Variants in GALM observed in about 807,000 individuals in gnomAD.
The protein encoded by GALM is galactose mutarotase.
A neutral mutation model predicts 37.4 loss-of-function variants in GALM; 43 were observed. The observed-to-expected ratio is 1.15, with a 90% CI of 0.90 to 1.48. The LOEUF (loss-of-function observed/expected upper bound fraction) is 1.48. Among genes scored for constraint, GALM ranks in the 40% most tolerant of loss-of-function variants. The pLI is 0.00. For missense variants in GALM, 456 were observed against 419.1 expected, an observed-to-expected ratio of 1.09 and a Z score of -0.77; for synonymous variants, 199 against 170.6, an observed-to-expected ratio of 1.17 and a Z score of -1.30.
intron 4 of GALM, among the ~76,000 whole-genome samples, chr2:38,717,341 G>T (rs990904362): frequency 7.0e-6 from 1 of 143,396 alleles, no homozygotes; most frequent in African/African-American, 2.6e-5. Flanking sequence ...GTGTGTGTGT[G>T]TGTGTATAAA....
intron 2 of GALM, among the ~76,000 whole-genome samples, chr2:38,680,662 C>A (rs1016832186): frequency 6.6e-6 from 1 of 151,350 alleles, no homozygotes; most frequent in Admixed American, 6.6e-5. Context: ...TTTTTTAATA[C>A]TCTCAGCAGA....
intron 1 of GALM, chr2:38,668,652 C>T (rs546480177): frequency 6.6e-6 from 1 of 152,062 alleles, no homozygotes; most frequent in South Asian, 2.1e-4. Context: ...TAAGACTTGA[C>T]AGAGGCCGGC....
At chr2:38,675,537 T>TG (rs1558577612) in intron 1 of GALM, among the ~76,000 whole-genome samples, 56 of 90,062 alleles carry the variant, frequency 6.2e-4, no homozygotes, top group African/African-American at 2.1e-3. Context: ...TTTTTTTTTT[T>TG]TTTTTTTGTG....
At chr2:38,674,403 T>C (rs567915949) in intron 1 of GALM, among the ~76,000 whole-genome samples, 1 of 152,212 alleles carries the variant, frequency 6.6e-6, no homozygotes, top group African/African-American at 2.4e-5. Flanking sequence ...TTGGCCAGGA[T>C]GGTCTCAATC....
chr2:38,671,180 T>C (rs1016061915), intron 1 of GALM, among the ~76,000 whole-genome samples: 23 of 152,182 alleles, frequency 1.5e-4, no homozygotes, highest in African/African-American at 1.9e-4. Context: ...TCATGAAAAA[T>C]AGTATTTTCT....
intron 1 of GALM, among the ~76,000 whole-genome samples, chr2:38,673,373 A>G (rs1665162860): frequency 6.6e-6 from 1 of 152,234 alleles, no homozygotes; most frequent in African/African-American, 2.4e-5. Context: ...AATAATACAG[A>G]AAACAATCTC....
At position 38,722,030 on chromosome 2, in the gene GALM, T is replaced by TCCCCCCCCCCCCCCCCC. The variant is rs1491365976; in HGVS notation, c.635-7517_635-7516insCCCCCCCCCCCCCCCCC. The stretch of plus-strand genomic sequence containing the variant: ...GTCCCTCCCCAACTATGCCTTCCCT[T>TCCCCCCCCCCCCCCCCC]CCCCCCCCCACCCCCCCCCCCCACC... On this transcript the variant is annotated intron_variant, in intron 4 of 6. Coordinates refer to ENST00000272252, the MANE Select transcript of GALM (RefSeq NM_138801.3). Among the ~76,000 whole-genome samples the TCCCCCCCCCCCCCCCCC allele has an allele frequency of 8.0e-4, 33 of 41,392 alleles. 1 individual carries two copies. Among genetic ancestry groups the TCCCCCCCCCCCCCCCCC allele is most frequent in the South Asian group, 1.8e-3 (1 of 552 alleles). 27.2% of individuals were successfully genotyped at this position (41,392 alleles called of 152,430 possible).
chr2:38,694,914 A>AG (rs1369719681), intron 4 of GALM, among the ~76,000 whole-genome samples: 4 of 139,306 alleles, frequency 2.9e-5, no homozygotes, highest in African/African-American at 9.4e-5. Flanking sequence ...AAAAAAAAAC[A>AG]AAAAAAGAAA....
Position 38,734,191 on chromosome 2 carries a change from G to A in GALM, c.*626G>A, listed in dbSNP as rs986549215. 12 of 156,710 alleles carry A rather than the reference G, an allele frequency of 7.7e-5. No individual in the cohort carries two copies. The highest frequency in any genetic ancestry group is 2.9e-4 in the African/African-American group (12 of 41,556). 9.7% of individuals were successfully genotyped at this position (156,710 alleles called of 1,614,324 possible). ...AGGCAGGCGGATCACGAGGTCAGGA[G>A]ATCGAGACCATCCTGGCTAACACGG... is the stretch of plus-strand genomic sequence containing the variant. On this transcript the variant is annotated 3_prime_UTR_variant, in exon 7 of 7. Transcript: ENST00000272252.
At chr2:38,702,125 T>A (rs1018324793) in intron 4 of GALM, among the ~76,000 whole-genome samples, 1 of 151,970 alleles carries the variant, frequency 6.6e-6, no homozygotes, top group Admixed American at 6.6e-5. Context: ...ATGGGCTTCA[T>A]AAAGTGGGAT....
At chr2:38,716,749 T>C (rs1317048920) in intron 4 of GALM, among the ~76,000 whole-genome samples, 1 of 151,140 alleles carries the variant, frequency 6.6e-6, no homozygotes, top group African/African-American at 2.4e-5. Flanking sequence ...GAGGCTGAGG[T>C]GGGAGGATGG....
At position 38,733,514 on chromosome 2, in the gene GALM, G is replaced by A. The variant is rs1666647546; in HGVS notation, c.978G>A (p.Arg326=). ...NQPRFPPVLL[R]PGEEYDHTTW... is the part of the protein sequence containing the mutation. The stretch of plus-strand genomic sequence containing the variant: ...CCCGCTTCCCTCCTGTGCTGCTGAG[G>A]CCTGGTGAGGAGTATGACCACACCA... The change falls in exon 7 of 7, where the codon AGG becomes AGA. Residue 326 remains arginine, a synonymous_variant. Transcript: ENST00000272252. The A allele has an allele frequency of 6.2e-7, 1 of 1,614,030 alleles. No individual in the cohort carries two copies. The highest frequency in any genetic ancestry group is 8.5e-7 in the Non-Finnish European group (1 of 1,179,954).
At chr2:38,694,903 AAAAAAAAAAC>A (rs1416749743) in intron 4 of GALM, among the ~76,000 whole-genome samples, 2 of 150,894 alleles carry the variant, frequency 1.3e-5, no homozygotes, top group Admixed American at 6.6e-5. Flanking sequence ...TCTCAAAAAA[AAAAAAAAAAC>A]AAAAAAAGAA....
intron 4 of GALM, among the ~76,000 whole-genome samples, chr2:38,712,333 C>T (rs1666187938): frequency 6.6e-6 from 1 of 152,202 alleles, no homozygotes; most frequent in Non-Finnish European, 1.5e-5. Context: ...TCCTGAAGCT[C>T]CCTGAGCCTG....
chr2:38,718,961 G>A (rs1666322778), intron 4 of GALM, among the ~76,000 whole-genome samples: 1 of 151,954 alleles, frequency 6.6e-6, no homozygotes, highest in African/African-American at 2.4e-5. Flanking sequence ...CCTGTAATCA[G>A]TGCTTGGTCA....
chr2:38,713,431 G>A (rs796520115), intron 4 of GALM, among the ~76,000 whole-genome samples: 4 of 32,080 alleles, frequency 1.2e-4, no homozygotes, highest in Admixed American at 3.9e-4. Context: ...CCTGTTCTTG[G>A]ACAGTGGTGC....
chr2:38,714,169 T>C (rs929930453), intron 4 of GALM, among the ~76,000 whole-genome samples: 1 of 152,144 alleles, frequency 6.6e-6, no homozygotes, highest in African/African-American at 2.4e-5. Flanking sequence ...ACACATATAG[T>C]ACATGCATTA....
intron 4 of GALM, among the ~76,000 whole-genome samples, chr2:38,695,693 GTTTGCTTGT>G: frequency 6.6e-6 from 1 of 152,240 alleles, no homozygotes; most frequent in South Asian, 2.1e-4. Context: ...TTGCTTGTTT[GTTTGCTTGT>G]TTGTTTTTTG....
At chr2:38,676,151 A>G in intron 2 of GALM, 85 bp downstream of exon 2, 1 of 1,350,834 alleles carries the variant, frequency 7.4e-7, no homozygotes, top group Non-Finnish European at 1.1e-6. Context: ...TAGGCCCTAG[A>G]GCACATGAGT....
Sources: allele counts gnomAD v4.1 joint callset (sites outside exome capture counted in the v4.1 genomes callset), GRCh38; gene constraint gnomAD v4.1.1; transcripts MANE v1.5; gene names NCBI Gene and HGNC (gene_info 2026-07-23, HGNC 2026-07-21).